Variants in ST3GAL3 observed in about 807,000 individuals in gnomAD.
ST3GAL3 encodes ST3 beta-galactoside alpha-2,3-sialyltransferase 3, also known as CMP-N-acetylneuraminate-beta-1,4-galactoside alpha-2,3-sialyltransferase.
A neutral mutation model predicts 50.1 loss-of-function variants in ST3GAL3; 21 were observed. The ratio of observed to expected loss-of-function variants is 0.42; its 90% confidence interval spans 0.30 to 0.60. The LOEUF is 0.60. Ranked by LOEUF, ST3GAL3 falls within the 20% of genes least tolerant of loss-of-function variation. The probability of loss-of-function intolerance (pLI) is 0.19; values close to 1 mark genes in which losing one functional copy is unlikely to be tolerated. For missense variants in ST3GAL3, 353 were observed against 489.4 expected, an observed-to-expected ratio of 0.72 and a Z score of 2.63; for synonymous variants, 183 against 190.0, an observed-to-expected ratio of 0.96 and a Z score of 0.30.
At chr1:43,866,352 C>T (rs918566102) in intron 5 of ST3GAL3, among the ~76,000 whole-genome samples, 5 of 152,000 alleles carry the variant, frequency 3.3e-5, no homozygotes, top group East Asian at 1.9e-4. Context: ...TGAGGCAGGC[C>T]GATCACTTGA....
At chr1:43,793,394 T>G (rs948177541) in intron 3 of ST3GAL3, among the ~76,000 whole-genome samples, 1 of 152,204 alleles carries the variant, frequency 6.6e-6, no homozygotes, top group Non-Finnish European at 1.5e-5. Flanking sequence ...AATTACACTC[T>G]TTTAATTATT....
chr1:43,858,041 C>G, intron 5 of ST3GAL3: 1 of 946,706 alleles, frequency 1.1e-6, no homozygotes, highest in Non-Finnish European at 1.5e-6. Context: ...AAGTGTCGGA[C>G]TACAGTGGAA....
At chr1:43,862,665 T>C (rs2070289062) in intron 5 of ST3GAL3, among the ~76,000 whole-genome samples, 1 of 148,192 alleles carries the variant, frequency 6.7e-6, no homozygotes, top group Non-Finnish European at 1.5e-5. Flanking sequence ...CCCAACACTT[T>C]GGGAGGCTGA....
At chr1:43,799,182 C>T (rs1573063151) in intron 3 of ST3GAL3, among the ~76,000 whole-genome samples, 1 of 151,990 alleles carries the variant, frequency 6.6e-6, no homozygotes, top group Non-Finnish European at 1.5e-5. Flanking sequence ...AGCAGTTAGC[C>T]CTAGGTAAAT....
intron 5 of ST3GAL3, among the ~76,000 whole-genome samples, chr1:43,865,109 C>T (rs1294279582): frequency 4.6e-5 from 7 of 151,906 alleles, no homozygotes; most frequent in African/African-American, 1.2e-4. Context: ...CTCCGCCTCC[C>T]GGGTTCACGC....
At chr1:43,790,306 T>C (rs898023194) in intron 2 of ST3GAL3, among the ~76,000 whole-genome samples, 3 of 152,144 alleles carry the variant, frequency 2.0e-5, no homozygotes, top group Admixed American at 6.6e-5. Context: ...ATGATAACTA[T>C]TGTGTTGAAT....
At chr1:43,801,494 A>G (rs2059312222) in intron 3 of ST3GAL3, 1 of 411,054 alleles carries the variant, frequency 2.4e-6, no homozygotes. Context: ...TTTGTCCTGG[A>G]ACAGGATGTG....
intron 1 of ST3GAL3, among the ~76,000 whole-genome samples, chr1:43,732,083 G>A (rs972246262): frequency 6.6e-6 from 1 of 152,174 alleles, no homozygotes; most frequent in Non-Finnish European, 1.5e-5. Context: ...TCACTTAGCA[G>A]TAGGTTCTAG....
chr1:43,826,473 T>A (rs2062818065), intron 4 of ST3GAL3, among the ~76,000 whole-genome samples: 1 of 152,220 alleles, frequency 6.6e-6, no homozygotes, highest in Non-Finnish European at 1.5e-5. Flanking sequence ...TCAGATGGTT[T>A]CACTGGTGGA....
chr1:43,756,511 A>C (rs1327667267), intron 2 of ST3GAL3, among the ~76,000 whole-genome samples: 1 of 151,326 alleles, frequency 6.6e-6, no homozygotes, highest in Admixed American at 6.6e-5. Flanking sequence ...TAAAACATAA[A>C]TGTATTAAGA....
intron 9 of ST3GAL3, among the ~76,000 whole-genome samples, chr1:43,909,905 A>G (rs1417150922): frequency 6.6e-6 from 1 of 152,252 alleles, no homozygotes; most frequent in Non-Finnish European, 1.5e-5. Context: ...GCAGTCAGAG[A>G]AATTAATGTG....
rs11338876 is a variant in ST3GAL3 at position 43,734,308 on chromosome 1, G to GT, written c.-30-1911dup. Among the ~76,000 whole-genome samples the GT allele has an allele frequency of 7.2e-3, 819 of 113,300 alleles. 16 individuals carry two copies. Among genetic ancestry groups the GT allele is most frequent in the African/African-American group, 0.022 (644 of 28,838 alleles). The allele number at this position is 113,300 out of a possible 152,430, so 74.3% of individuals were successfully genotyped here. ...TCTTTCTTCTTCTTCTTTTTTTTTT[G>GT]TTTTTTTTTTTTTTGAGACAGGGTC... On this transcript the variant is annotated intron_variant, in intron 1 of 11. Coordinates refer to ENST00000347631, the MANE Select transcript of ST3GAL3 (RefSeq NM_006279.5).
chr1:43,758,722 T>C (rs1689057909), intron 2 of ST3GAL3, among the ~76,000 whole-genome samples: 1 of 152,040 alleles, frequency 6.6e-6, no homozygotes, highest in Non-Finnish European at 1.5e-5. Context: ...GTAAAGTGCA[T>C]AACTTAAAAA....
chr1:43,777,267 A>G (rs906597540), intron 2 of ST3GAL3, among the ~76,000 whole-genome samples: 6 of 152,204 alleles, frequency 3.9e-5, no homozygotes, highest in Non-Finnish European at 5.9e-5. Context: ...TACACAATCC[A>G]TATTCAGATA....
At chr1:43,912,900 C>T (rs1388746194) in intron 9 of ST3GAL3, 3 of 152,318 alleles carry the variant, frequency 2.0e-5, no homozygotes, top group Admixed American at 6.5e-5. Flanking sequence ...GAATGCAGCC[C>T]ACAGCTGGCC....
At chr1:43,926,990 A>G (rs1320054583) in intron 11 of ST3GAL3, among the ~76,000 whole-genome samples, 2 of 152,084 alleles carry the variant, frequency 1.3e-5, no homozygotes, top group African/African-American at 4.8e-5. Context: ...CTCCCACTCC[A>G]CTGATTCAAA....
At chr1:43,736,808 G>T in intron 2 of ST3GAL3, 1 of 271,072 alleles carries the variant, frequency 3.7e-6, no homozygotes, top group Non-Finnish European at 7.2e-6. Context: ...ACATAATATT[G>T]TCTCTGTTTT....
chr1:43,815,126 G>A (rs970213273), intron 4 of ST3GAL3, 193 bp downstream of exon 4: 36 of 658,846 alleles, frequency 5.5e-5, no homozygotes, highest in Non-Finnish European at 9.5e-5. Flanking sequence ...GATGATGGGT[G>A]CAAACATAAG....
chr1:43,788,833 A>G (rs1252527610), intron 2 of ST3GAL3, among the ~76,000 whole-genome samples: 1 of 152,202 alleles, frequency 6.6e-6, no homozygotes, highest in African/African-American at 2.4e-5. Context: ...AATGAATGCC[A>G]TAATAGAAGC....
Sources: gnomAD v4.1 joint callset for allele counts (sites outside exome capture counted in the v4.1 genomes callset) on GRCh38, gnomAD v4.1.1 for gene constraint, MANE v1.5 for transcripts, NCBI Gene and HGNC (gene_info 2026-07-23, HGNC 2026-07-21) for gene names.